PEX3: variants seen among roughly 807,000 people sequenced by gnomAD.
The protein encoded by PEX3 is peroxisomal biogenesis factor 3.
In PEX3, 30 loss-of-function variants were observed where a neutral mutation model predicts 55.8. The ratio of observed to expected loss-of-function variants is 0.54; its 90% CI spans 0.40 to 0.73. The LOEUF (loss-of-function observed/expected upper bound fraction) is 0.73. Among genes scored for constraint, PEX3 ranks in the 30% least tolerant of loss-of-function variants. The pLI, the probability that PEX3 is intolerant of heterozygous loss-of-function variation, is 0.00. For missense variants in PEX3, 351 were observed against 432.8 expected (o/e 0.81, Z 1.68); for synonymous variants, 135 against 148.4 (o/e 0.91, Z 0.66).
chr6:143,472,681 A>G (rs1780091586), intron 8 of PEX3, among the ~76,000 whole-genome samples: 1 of 152,182 alleles, frequency 6.6e-6, no homozygotes, highest in Non-Finnish European at 1.5e-5. Flanking sequence ...CAGATCAAGT[A>G]GCAGAACATA....
At position 143,462,028 on chromosome 6, in the gene PEX3, C is replaced by T. The variant is rs1271557738; in HGVS notation, c.206-888C>T. Among the ~76,000 whole-genome samples the T allele has an allele frequency of 6.6e-6, 1 of 152,278 alleles. No individual in the cohort carries two copies. The highest frequency in any genetic ancestry group is 1.9e-4 in the East Asian group (1 of 5,190). On this transcript the variant is annotated intron_variant, in intron 2 of 11. Transcript: ENST00000367591. The surrounding 1 kb of genome is among the most constrained non-coding windows in gnomAD (Gnocchi z 4.1). ...TTTTAGGGTTTAGAGACTCATTTTA[C>T]ATTTTTATATGTGTATTCCTCCATT...
At position 143,479,236 on chromosome 6, in the gene PEX3, T is replaced by G. The variant is rs953980291; in HGVS notation, c.941+38T>G. ...ATAAAAATGTTATACTAATGAATGCTCTAAAAAAATGGTGCTTTGCTTGTC... is the reference window on the plus strand; with the variant it reads ...ATAAAAATGTTATACTAATGAATGCGCTAAAAAAATGGTGCTTTGCTTGTC... On this transcript the variant is annotated intron_variant, in intron 10 of 11. Transcript: ENST00000367591. This position sits in a 1 kb window ranked among gnomAD's most constrained non-coding sequence, Gnocchi z 4.6. 2.0e-6 allele frequency: 3 copies of G among 1,512,826 alleles called. No homozygotes were observed. Among genetic ancestry groups the G allele is most frequent in the Non-Finnish European group, 2.8e-6 (3 of 1,089,006 alleles). The allele number at this position is 1,512,826 out of a possible 1,614,324, so 93.7% of individuals were successfully genotyped here. A position where few individuals can be genotyped will look rare whatever the true frequency, so the allele number is the denominator to read the frequency against.
Position 143,450,904 on chromosome 6 carries a change from G to T in PEX3, c.-139G>T. The stretch of plus-strand genomic sequence containing the variant: ...GCTCCGGTGACAGTCTCTGCGGAAA[G>T]TCACGTTTGTGATTTCGGGAGAGCA... On this transcript the variant is annotated 5_prime_UTR_variant, in exon 1 of 12. Coordinates refer to ENST00000367591, the MANE Select transcript of PEX3 (RefSeq NM_003630.3). 1.2e-6 allele frequency: 1 copy of T among 828,624 alleles called. No individual in the cohort carries two copies. The highest frequency in any genetic ancestry group is 2.1e-6 in the Non-Finnish European group (1 of 467,722). 51.3% of individuals were successfully genotyped at this position (828,624 alleles called of 1,614,324 possible).
chr6:143,474,332 G>A (rs1033970351), intron 8 of PEX3, among the ~76,000 whole-genome samples: 10 of 151,752 alleles, frequency 6.6e-5, no homozygotes, highest in Admixed American at 5.3e-4. Context: ...GGTGGCGCAC[G>A]CTTGTAATCC....
intron 4 of PEX3, among the ~76,000 whole-genome samples, chr6:143,468,565 GA>G (rs1320632917): frequency 6.6e-6 from 1 of 152,150 alleles, no homozygotes; most frequent in African/African-American, 2.4e-5. Flanking sequence ...GCTTGTCTCA[GA>G]ACTGTTATCC....
At chr6:143,474,202 C>T (rs1780117119) in intron 8 of PEX3, among the ~76,000 whole-genome samples, 1 of 151,934 alleles carries the variant, frequency 6.6e-6, no homozygotes, top group Non-Finnish European at 1.5e-5. Flanking sequence ...GTAATCCCAG[C>T]ACTTTGGGAG....
In PEX3 at chr6:143,451,035, G is replaced by T; in HGVS notation, c.-8G>T. 2 of 1,607,006 alleles carry T rather than the reference G, an allele frequency of 1.2e-6. No homozygotes were observed. The highest frequency in any genetic ancestry group is 1.7e-6 in the Non-Finnish European group (2 of 1,173,480). On this transcript the variant is annotated 5_prime_UTR_variant, in exon 1 of 12. Transcript: ENST00000367591. The surrounding 1 kb of genome is among the most constrained non-coding windows in gnomAD (Gnocchi z 4.1). ...CCCCTAGTCAGCCCACACCCCTAGG[G>T]CCTAAAGATGCTGAGGTCTGTATGG...
rs575875039 is a variant in PEX3, at chr6:143,454,532, A to G, written c.73+3417A>G. ...CATTCATTCATTCATTCTGTCATTG[A>G]ACAAACATTTGAATGAGAGTAAGTG... is the stretch of plus-strand genomic sequence containing the variant. On this transcript the variant is annotated intron_variant, in intron 1 of 11. Coordinates refer to ENST00000367591, the MANE Select transcript of PEX3 (RefSeq NM_003630.3). This position sits in a 1 kb window ranked among gnomAD's most constrained non-coding sequence, Gnocchi z 4.3. Among the ~76,000 whole-genome samples the G allele has an allele frequency of 6.6e-6, 1 of 152,238 alleles. No homozygotes were observed. The highest frequency in any genetic ancestry group is 1.5e-5 in the Non-Finnish European group (1 of 68,034).
Position 143,482,829 on chromosome 6 carries a change from CA to C in PEX3, c.942-2320del, listed in dbSNP as rs1308940179. Among the ~76,000 whole-genome samples the C allele has an allele frequency of 6.6e-6, 1 of 151,852 alleles. No homozygotes were observed. Among genetic ancestry groups the C allele is most frequent in the Non-Finnish European group, 1.5e-5 (1 of 67,890 alleles). ...AGCATTTAAATATACTAAGTAAAAA[CA>C]AATATACTGATCGAAAACAGGTGAC... is the stretch of plus-strand genomic sequence containing the variant. On this transcript the variant is annotated intron_variant, in intron 10 of 11. Transcript: ENST00000367591. The surrounding 1 kb of genome is among the most constrained non-coding windows in gnomAD (Gnocchi z 5.5).
At chr6:143,455,360 T>C (rs1477576840) in intron 1 of PEX3, among the ~76,000 whole-genome samples, 1 of 5,794 alleles carries the variant, frequency 1.7e-4, no homozygotes, top group Middle Eastern at 0.042. Context: ...GCCCGGCTAA[T>C]TTTTTTTTTT....
rs1780317862 is a variant in PEX3 at position 143,485,964 on chromosome 6, G to A, written c.1038+716G>A. Among the ~76,000 whole-genome samples the A allele has an allele frequency of 6.6e-6, 1 of 152,096 alleles. No homozygotes were observed. The highest frequency in any genetic ancestry group is 1.5e-5 in the Non-Finnish European group (1 of 68,000). ...ATGTACAATGAGAAGAGACCCTATG[G>A]CCTAAGCATAAAGCTGACATCTTCT... On this transcript the variant is annotated intron_variant, in intron 11 of 11. Transcript: ENST00000367591. The surrounding 1 kb of genome is among the most constrained non-coding windows in gnomAD (Gnocchi z 5.6).
In PEX3 at chr6:143,489,125, T is replaced by C; in HGVS notation, c.1039-18T>C. The C allele has an allele frequency of 6.6e-7, 1 of 1,521,520 alleles. No homozygotes were observed. Among genetic ancestry groups the C allele is most frequent in the Non-Finnish European group, 9.1e-7 (1 of 1,095,898 alleles). The allele number at this position is 1,521,520 out of a possible 1,614,324, so 94.3% of individuals were successfully genotyped here. ...ATATGTTTTGCAAACTATAATGTTA[T>C]ATTATCATCTTTGCTAGGATCTGTT... On this transcript the variant is annotated intron_variant, in intron 11 of 11. Coordinates refer to ENST00000367591, the MANE Select transcript of PEX3 (RefSeq NM_003630.3). The surrounding 1 kb of genome is among the most constrained non-coding windows in gnomAD (Gnocchi z 5.5).
In PEX3 at chr6:143,485,758, C is replaced by A. The variant is rs1268083850; in HGVS notation, c.1038+510C>A. On this transcript the variant is annotated intron_variant, in intron 11 of 11. Transcript: ENST00000367591. This position sits in a 1 kb window ranked among gnomAD's most constrained non-coding sequence, Gnocchi z 5.6. ...GACTACCTATAACTCCATCTTATTTCTTCATTTCCATTTGGAATGCATGGA... is the reference window on the plus strand; with the variant it reads ...GACTACCTATAACTCCATCTTATTTATTCATTTCCATTTGGAATGCATGGA... 6.6e-6 allele frequency among the ~76,000 whole-genome samples: 1 copy of A among 152,066 alleles called. No homozygotes were observed. Among genetic ancestry groups the A allele is most frequent in the African/African-American group, 2.4e-5 (1 of 41,418 alleles).
Position 143,479,778 on chromosome 6 carries a change from G to A in PEX3, c.941+580G>A, listed in dbSNP as rs1277277712. On this transcript the variant is annotated intron_variant, in intron 10 of 11. Coordinates refer to ENST00000367591, the MANE Select transcript of PEX3 (RefSeq NM_003630.3). The surrounding 1 kb of genome is among the most constrained non-coding windows in gnomAD (Gnocchi z 4.6). ...TTATGTATGCCATAAGGTATCTTAC[G>A]GTTTTTTATATCTTTGTTATCCCAA... Among the ~76,000 whole-genome samples, 3 of 151,798 alleles carry A rather than the reference G, an allele frequency of 2.0e-5. No individual in the cohort carries two copies. Among genetic ancestry groups the A allele is most frequent in the Non-Finnish European group, 2.9e-5 (2 of 67,892 alleles).
At chr6:143,467,978 C>T (rs999313407) in intron 3 of PEX3, 144 bp from the exon 4 acceptor site, 15 of 530,030 alleles carry the variant, frequency 2.8e-5, no homozygotes, top group East Asian at 6.2e-5. Context: ...TTTTTTTTAC[C>T]GTATTTTGTG....
chr6:143,463,098 T>C lies in PEX3; in HGVS notation c.287+101T>C. On this transcript the variant is annotated intron_variant, in intron 3 of 11. Coordinates refer to ENST00000367591, the MANE Select transcript of PEX3 (RefSeq NM_003630.3). This position sits in a 1 kb window ranked among gnomAD's most constrained non-coding sequence, Gnocchi z 5.7. ...AAATCTTTGTTATTTTTCTATCTAA[T>C]GAAAGTTTATATAGGCTCAGTAAGA... 1.2e-6 allele frequency: 1 copy of C among 843,350 alleles called. No individual in the cohort carries two copies. The allele number at this position is 843,350 out of a possible 1,614,324, so 52.2% of individuals were successfully genotyped here.
chr6:143,464,681 T>G lies in PEX3; in HGVS notation c.287+1684T>G, dbSNP rs949608447. ...AATGTTACTTCTTCTTGGCTTTCTT[T>G]TGATTTGAAATTACTATTTGTAATT... On this transcript the variant is annotated intron_variant, in intron 3 of 11. Coordinates refer to ENST00000367591, the MANE Select transcript of PEX3 (RefSeq NM_003630.3). This position sits in a 1 kb window ranked among gnomAD's most constrained non-coding sequence, Gnocchi z 5.8. Among the ~76,000 whole-genome samples the G allele has an allele frequency of 6.6e-6, 1 of 151,878 alleles. No homozygotes were observed. Among genetic ancestry groups the G allele is most frequent in the African/African-American group, 2.4e-5 (1 of 41,408 alleles).
Position 143,490,184 on chromosome 6 carries a change from T to C in PEX3, c.*958T>C, listed in dbSNP as rs41285019. 5.6e-3 allele frequency among the ~76,000 whole-genome samples: 857 copies of C among 152,328 alleles called. 3 individuals are homozygous for C. Among genetic ancestry groups the C allele is most frequent in the Middle Eastern group, 0.01 (3 of 294 alleles). On this transcript the variant is annotated 3_prime_UTR_variant, in exon 12 of 12. Transcript: ENST00000367591. This position sits in a 1 kb window ranked among gnomAD's most constrained non-coding sequence, Gnocchi z 6.0. Reference sequence around the variant, plus strand: ...TTTAGTAAAAAGCAAATAGCTTTACTTTCTGAAAAAGAAATAATTCATTAT... The same window carrying C: ...TTTAGTAAAAAGCAAATAGCTTTACCTTCTGAAAAAGAAATAATTCATTAT...
chr6:143,460,750 A>G (rs1584004006), intron 2 of PEX3, among the ~76,000 whole-genome samples: 1 of 151,690 alleles, frequency 6.6e-6, no homozygotes, highest in South Asian at 2.1e-4. Flanking sequence ...TGTAATCCCA[A>G]CTACTTGGGA....
Sources: allele counts gnomAD v4.1 joint callset (sites outside exome capture counted in the v4.1 genomes callset), GRCh38; gene constraint gnomAD v4.1.1; non-coding constraint Gnocchi (gnomAD v3.1); transcripts MANE v1.5; gene names NCBI Gene and HGNC (gene_info 2026-07-23, HGNC 2026-07-21).